The following MEAK7 variants were observed in gnomAD, a reference collection of about 807,000 sequenced individuals.
MEAK7 encodes the protein MTOR-associated protein MEAK7.
Under a neutral mutation model 40.5 loss-of-function variants are expected in MEAK7, and 68 were observed. The observed-to-expected ratio is 1.68, with a 90% CI of 1.38 to 2.06. The LOEUF (loss-of-function observed/expected upper bound fraction) is 2.06. Ranked by LOEUF, MEAK7 falls within the 30% of genes most tolerant of loss-of-function variation. MEAK7 has a pLI of 0.00. For missense variants in MEAK7, 918 were observed against 580.5 expected (o/e 1.58, Z -5.98); for synonymous variants, 338 against 231.9 (o/e 1.46, Z -4.16).
Position 84,480,702 on chromosome 16 carries a change from C to T in MEAK7, c.1084G>A (p.Gly362Arg). ...AGCCCAAAGTAATTGTGCTGCCCCC[C>T]CATACCCTGCAAAGGAAGCCAGGAC... The part of the protein sequence containing the change: ...QQTIPNGLGM[G>R]GQHNYFGLWV... Residue 362 changes from glycine (G) to arginine (R), a missense_variant, in exon 7 of 8, where the codon GGG (glycine) becomes AGG (arginine). By Grantham distance (125) the Gly-to-Arg change is moderately radical. Transcript: ENST00000343629. The T allele has an allele frequency of 1.2e-6, 2 of 1,611,274 alleles. No individual in the cohort carries two copies. The highest frequency in any genetic ancestry group is 1.7e-6 in the Non-Finnish European group (2 of 1,178,638).
chr16:84,502,521 C>T (rs903371856), intron 1 of MEAK7, among the ~76,000 whole-genome samples: 3 of 152,048 alleles, frequency 2.0e-5, no homozygotes, highest in Non-Finnish European at 4.4e-5. Flanking sequence ...GTGTTATGCA[C>T]AGCTTTGCAG....
intron 7 of MEAK7, among the ~76,000 whole-genome samples, 157 bp downstream of exon 7, chr16:84,480,372 A>G (rs574007108): frequency 6.6e-6 from 1 of 152,308 alleles, no homozygotes; most frequent in East Asian, 1.9e-4. Context: ...ACTTCCAGCC[A>G]TGCATCTCCT....
At chr16:84,493,280 C>T (rs1275093757) in intron 3 of MEAK7, among the ~76,000 whole-genome samples, 2 of 152,164 alleles carry the variant, frequency 1.3e-5, no homozygotes, top group African/African-American at 4.8e-5. Flanking sequence ...AATTGTTTTA[C>T]TTTGATCCTT....
intron 5 of MEAK7, among the ~76,000 whole-genome samples, chr16:84,485,054 C>A (rs933586125): frequency 5.3e-5 from 8 of 152,290 alleles, no homozygotes; most frequent in African/African-American, 1.9e-4. Context: ...AGCCTTCAGC[C>A]ATGCAGTGAG....
intron 3 of MEAK7, among the ~76,000 whole-genome samples, chr16:84,495,141 T>C: frequency 6.6e-6 from 1 of 152,088 alleles, no homozygotes; most frequent in East Asian, 1.9e-4. Flanking sequence ...CGGTGGTGTG[T>C]GCCTGTAGCC....
At chr16:84,497,500 T>G in intron 2 of MEAK7, 12 of 1,290,468 alleles carry the variant, frequency 9.3e-6, no homozygotes, top group African/African-American at 1.5e-5. Flanking sequence ...TCACCGCGTC[T>G]GTCTCCCCAT....
At chr16:84,494,439 T>C (rs1241379115) in intron 3 of MEAK7, among the ~76,000 whole-genome samples, 2 of 152,204 alleles carry the variant, frequency 1.3e-5, no homozygotes, top group Non-Finnish European at 2.9e-5. Context: ...CTATTCCTTT[T>C]TTTCCCCCCA....
At chr16:84,501,043 C>T (rs1423132392) in intron 1 of MEAK7, among the ~76,000 whole-genome samples, 1 of 141,390 alleles carries the variant, frequency 7.1e-6, no homozygotes, top group Admixed American at 7.8e-5. Context: ...CGCAGTGAGC[C>T]GAGACCACGC....
rs114844197 is a variant in MEAK7, at chr16:84,488,653, C to T, written c.529+625G>A. Among the ~76,000 whole-genome samples the T allele has an allele frequency of 5.0e-3, 754 of 152,220 alleles. 11 individuals carry two copies. Among genetic ancestry groups the T allele is most frequent in the African/African-American group, 0.017 (717 of 41,498 alleles). On this transcript the variant is annotated intron_variant, in intron 4 of 7. Transcript: ENST00000343629. Reference sequence around the variant, plus strand: ...ACTAAAAGGCAATTTGAGGAATTCACAGGCATGGAGAAATTAAATAACACA... The same window carrying T: ...ACTAAAAGGCAATTTGAGGAATTCATAGGCATGGAGAAATTAAATAACACA...
chr16:84,499,560 A>T (rs888928007), intron 1 of MEAK7, among the ~76,000 whole-genome samples: 4 of 152,218 alleles, frequency 2.6e-5, no homozygotes, highest in Non-Finnish European at 5.9e-5. Context: ...TTTAAAGTGT[A>T]CAGTGGCATT....
intron 1 of MEAK7, chr16:84,500,054 G>C (rs145043156): frequency 1.7e-4 from 26 of 152,268 alleles, no homozygotes; most frequent in African/African-American, 5.5e-4. Context: ...ATAATAAATG[G>C]AATTATATGA....
intron 1 of MEAK7, among the ~76,000 whole-genome samples, chr16:84,503,698 T>A (rs947459448): frequency 6.6e-6 from 1 of 152,214 alleles, no homozygotes; most frequent in African/African-American, 2.4e-5. Flanking sequence ...TGGGATCTTG[T>A]CTTAGAACAA....
chr16:84,488,013 C>A (rs1913245844), intron 4 of MEAK7: 1 of 152,180 alleles, frequency 6.6e-6, no homozygotes, highest in South Asian at 2.1e-4. Context: ...AACTCAGGCC[C>A]ATTTTATTAA....
At chr16:84,497,319 G>T (rs905276036) in intron 2 of MEAK7, 1 of 955,462 alleles carries the variant, frequency 1.0e-6, no homozygotes, top group Non-Finnish European at 1.4e-6. Flanking sequence ...AAAAACATGG[G>T]CAAATGGGCA....
intron 2 of MEAK7, chr16:84,497,508 C>A: frequency 7.7e-7 from 1 of 1,290,404 alleles, no homozygotes; most frequent in Non-Finnish European, 1.0e-6. Context: ...TCTGTCTCCC[C>A]ATCTCTGGGA....
intron 5 of MEAK7, 66 bp from the exon 6 acceptor site, chr16:84,482,776 T>A: frequency 1.3e-6 from 2 of 1,596,086 alleles, no homozygotes; most frequent in East Asian, 4.5e-5. Flanking sequence ...GGGCCGGAAA[T>A]GCCGGTAAGC....
At chr16:84,498,962 C>G (rs1266598687) in intron 1 of MEAK7, among the ~76,000 whole-genome samples, 3 of 152,162 alleles carry the variant, frequency 2.0e-5, no homozygotes, top group Admixed American at 6.5e-5. Context: ...ATTTGTAAAG[C>G]AAGAGGAGTC....
In MEAK7 at chr16:84,497,476, G is replaced by A. The variant is rs76095488; in HGVS notation, c.153+458C>T. 481 of 1,290,212 alleles carry A rather than the reference G, an allele frequency of 3.7e-4. 7 individuals carry two copies. The South Asian group carries it at 5.6e-3, about 15-fold the overall frequency. 79.9% of individuals were successfully genotyped at this position (1,290,212 alleles called of 1,614,324 possible). A position where few individuals can be genotyped will look rare whatever the true frequency, so the allele number is the denominator to read the frequency against. On this transcript the variant is annotated intron_variant, in intron 2 of 7. Coordinates refer to ENST00000343629, the MANE Select transcript of MEAK7 (RefSeq NM_020947.4). ...CATGGTTCCTGGACCGACGAGTCCA[G>A]GAGGGCAGACCCATCACCGCGTCTG...
At chr16:84,498,159 C>T (rs1341495187) in intron 1 of MEAK7, 48 bp from the exon 2 acceptor site, 2 of 1,522,824 alleles carry the variant, frequency 1.3e-6, no homozygotes, top group Admixed American at 2.3e-5. Flanking sequence ...ATTTAATAAT[C>T]ACAGAAAATA....
Sources: gnomAD v4.1 joint callset for allele counts (sites outside exome capture counted in the v4.1 genomes callset) on GRCh38, gnomAD v4.1.1 for gene constraint, MANE v1.5 for transcripts, NCBI Gene and HGNC (gene_info 2026-07-23, HGNC 2026-07-21) for gene names.